Variants in MED12L observed in about 807,000 individuals in gnomAD.
MED12L encodes mediator complex subunit 12L, also known as mediator of RNA polymerase II transcription subunit 12-like protein.
A neutral mutation model predicts 281.3 loss-of-function variants in MED12L; 60 were observed. The observed-to-expected ratio is 0.21, with a 90% confidence interval of 0.17 to 0.26. The LOEUF (loss-of-function observed/expected upper bound fraction) is 0.26, where lower values mean the gene tolerates loss of function less well. Ranked by LOEUF, MED12L falls within the 10% of genes least tolerant of loss-of-function variation. MED12L has a pLI of 1.00. For synonymous variants in MED12L, 974 were observed against 987.2 expected (o/e 0.99, Z 0.25); for missense variants, 2,146 against 2,680.9 (o/e 0.80, Z 4.41).
At position 151,158,688 on chromosome 3, in the gene MED12L, G is replaced by A; in HGVS notation, c.727-1G>A. Reference sequence around the variant, plus strand: ...ATGTAATTTTTCTTTGTTCATTTAAGGAAGGAATGTTAGAAAAACACGAAT... The same window carrying A: ...ATGTAATTTTTCTTTGTTCATTTAAAGAAGGAATGTTAGAAAAACACGAAT... On this transcript the variant is annotated splice_acceptor_variant, in intron 6 of 44. Coordinates refer to ENST00000687756, the MANE Select transcript of MED12L (RefSeq NM_001393769.1). LOFTEE classifies it high-confidence loss of function. The A allele has an allele frequency of 6.3e-7, 1 of 1,593,456 alleles. No individual in the cohort carries two copies. The highest frequency in any genetic ancestry group is 8.6e-7 in the Non-Finnish European group (1 of 1,164,902).
intron 39 of MED12L, among the ~76,000 whole-genome samples, chr3:151,399,426 A>T (rs1180274734): frequency 6.6e-6 from 1 of 152,248 alleles, no homozygotes; most frequent in Non-Finnish European, 1.5e-5. Context: ...ATAAATTGCC[A>T]TTAATAGGAT....
intron 16 of MED12L, chr3:151,329,413 C>CT: frequency 1.0e-6 from 1 of 988,238 alleles, no homozygotes; most frequent in Non-Finnish European, 1.5e-6. Flanking sequence ...TTTAAAGCAC[C>CT]TTTTTTCCCT....
chr3:151,385,908 C>A (rs528809900), intron 36 of MED12L, among the ~76,000 whole-genome samples: 1 of 151,946 alleles, frequency 6.6e-6, no homozygotes, highest in African/African-American at 2.4e-5. Flanking sequence ...AAGCAACCAC[C>A]GACATTCCAC....
chr3:151,214,630 C>CT (rs147953409), intron 16 of MED12L, among the ~76,000 whole-genome samples: 6,242 of 149,324 alleles, frequency 0.042, 410 homozygotes, highest in African/African-American at 0.14. Flanking sequence ...TTCCTTCTTC[C>CT]TTTTTTTTGG....
At chr3:151,403,308 T>C (rs1289156705) in intron 39 of MED12L, among the ~76,000 whole-genome samples, 1 of 152,190 alleles carries the variant, frequency 6.6e-6, no homozygotes, top group Non-Finnish European at 1.5e-5. Flanking sequence ...ATAGACCAGT[T>C]CGTGCACCTT....
intron 16 of MED12L, among the ~76,000 whole-genome samples, chr3:151,233,021 G>A (rs1334058370): frequency 6.6e-6 from 1 of 152,072 alleles, no homozygotes; most frequent in Non-Finnish European, 1.5e-5. Flanking sequence ...CAGTGTATGT[G>A]CTATTGGTGA....
At chr3:151,420,779 G>T (rs1481513101) in intron 43 of MED12L, among the ~76,000 whole-genome samples, 1 of 152,204 alleles carries the variant, frequency 6.6e-6, no homozygotes, top group Admixed American at 6.5e-5. Flanking sequence ...TAAAGTCAGT[G>T]CCTTGGTCAG....
rs1260003807 is a variant in MED12L at position 151,390,096 on chromosome 3, C to G, written c.5569C>G (p.Gln1857Glu). The change falls in exon 38 of 45, where the codon CAG (glutamine) becomes GAG (glutamate). Residue 1857 changes from glutamine to glutamate, a missense_variant. Physicochemically the swap from Gln to Glu is conservative, Grantham distance 29. Transcript: ENST00000687756. ...TTACAACCTCGTGGGCCAGCCCCAG[C>G]AGCCCGGCTTTTTCCTTCAGAACCA... is the stretch of plus-strand genomic sequence containing the variant. ...WGYNLVGQPQQPGFFLQNQSL... is the reference protein window; with the variant it reads ...WGYNLVGQPQEPGFFLQNQSL... 1.2e-6 allele frequency: 2 copies of G among 1,614,020 alleles called. No individual in the cohort carries two copies. The highest frequency in any genetic ancestry group is 1.7e-6 in the Non-Finnish European group (2 of 1,179,970).
chr3:151,194,084 G>T (rs1724332523), intron 16 of MED12L, among the ~76,000 whole-genome samples: 1 of 149,696 alleles, frequency 6.7e-6, no homozygotes, highest in Admixed American at 6.7e-5. Context: ...TTTTGCCTCA[G>T]CCTCCCGAGT....
intron 44 of MED12L, among the ~76,000 whole-genome samples, chr3:151,431,430 G>A (rs955461868): frequency 6.6e-6 from 1 of 152,098 alleles, no homozygotes; most frequent in Non-Finnish European, 1.5e-5. Context: ...TTACACCTTA[G>A]TGTCTGTCTC....
At chr3:151,269,227 C>T (rs6787122) in intron 16 of MED12L, among the ~76,000 whole-genome samples, 1,897 of 152,200 alleles carry the variant, frequency 0.012, 41 homozygotes, top group African/African-American at 0.044. Context: ...ATGCAGAAAC[C>T]CCATCTCTAC....
chr3:151,429,374 G>C (rs558121739), intron 43 of MED12L, among the ~76,000 whole-genome samples: 12 of 152,178 alleles, frequency 7.9e-5, no homozygotes, highest in Non-Finnish European at 1.6e-4. Flanking sequence ...TGGGCACATG[G>C]GAAACAGCCA....
At chr3:151,287,697 C>T (rs1050589287) in intron 16 of MED12L, among the ~76,000 whole-genome samples, 1 of 151,968 alleles carries the variant, frequency 6.6e-6, no homozygotes, top group Non-Finnish European at 1.5e-5. Flanking sequence ...GTTCTTGTGG[C>T]GATTTAAAGG....
At position 151,158,505 on chromosome 3, in the gene MED12L, C is replaced by CA. The variant is rs962593651; in HGVS notation, c.727-176dup. 4.0e-5 allele frequency among the ~76,000 whole-genome samples: 6 copies of CA among 150,802 alleles called. No individual in the cohort carries two copies. The South Asian group carries it at 6.3e-4, about 16-fold the overall frequency. On this transcript the variant is annotated intron_variant, in intron 6 of 44. Coordinates refer to ENST00000687756, the MANE Select transcript of MED12L (RefSeq NM_001393769.1). ...CAATTTGGAGCAGATTTCTAAAAAA[C>CA]AAAAAAAACTATACAAAACATATTA... is the stretch of plus-strand genomic sequence containing the variant.
intron 2 of MED12L, among the ~76,000 whole-genome samples, chr3:151,091,371 G>A (rs934075017): frequency 6.6e-6 from 1 of 152,218 alleles, no homozygotes; most frequent in African/African-American, 2.4e-5. Context: ...GAAACAGATT[G>A]CTGGGTCTCT....
At chr3:151,349,683 G>T (rs995057484) in intron 16 of MED12L, among the ~76,000 whole-genome samples, 15 of 152,054 alleles carry the variant, frequency 9.9e-5, no homozygotes, top group Non-Finnish European at 1.9e-4. Context: ...GGCTTATGAA[G>T]AGATAACATT....
intron 5 of MED12L, among the ~76,000 whole-genome samples, chr3:151,128,627 G>A (rs959544318): frequency 2.0e-5 from 3 of 152,146 alleles, no homozygotes; most frequent in Non-Finnish European, 4.4e-5. Flanking sequence ...ATATTTGCAT[G>A]CTTCTGTCTC....
chr3:151,211,550 A>G (rs1030018607), intron 16 of MED12L, among the ~76,000 whole-genome samples: 1 of 152,156 alleles, frequency 6.6e-6, no homozygotes, highest in Non-Finnish European at 1.5e-5. Context: ...GAAAGTAGAT[A>G]CTGAGGGAAA....
At chr3:151,260,002 A>T (rs1019353995) in intron 16 of MED12L, among the ~76,000 whole-genome samples, 1 of 152,168 alleles carries the variant, frequency 6.6e-6, no homozygotes, top group Non-Finnish European at 1.5e-5. Flanking sequence ...ATTGGTAGGC[A>T]TTGTGAAGTG....
Sources: gnomAD v4.1 joint callset for allele counts (sites outside exome capture counted in the v4.1 genomes callset) on GRCh38, gnomAD v4.1.1 for gene constraint, MANE v1.5 for transcripts, NCBI Gene and HGNC (gene_info 2026-07-23, HGNC 2026-07-21) for gene names.